Variants in FYCO1 observed in about 807,000 individuals in gnomAD.
FYCO1 encodes FYVE and coiled-coil domain-containing protein 1.
Under a neutral mutation model 165.1 loss-of-function variants are expected in FYCO1, and 122 were observed. That is an observed-to-expected ratio of 0.74 (90% CI 0.64 to 0.86). The LOEUF (loss-of-function observed/expected upper bound fraction) is 0.86, where lower values mean the gene tolerates loss of function less well. Among genes scored for constraint, FYCO1 ranks in the 40% least tolerant of loss-of-function variants. FYCO1 has a pLI of 0.00. For missense variants in FYCO1, 1,702 were observed against 1,810.3 expected, an observed-to-expected ratio of 0.94 and a Z score of 1.09; for synonymous variants, 648 against 742.5, an observed-to-expected ratio of 0.87 and a Z score of 2.07.
Position 45,964,985 on chromosome 3 carries a change from C to T in FYCO1, c.3150+48G>A, listed in dbSNP as rs375773060. 92 of 1,513,748 alleles carry T rather than the reference C, an allele frequency of 6.1e-5. 1 individual carries two copies. Among genetic ancestry groups the T allele is most frequent in the Non-Finnish European group, 1.1e-5 (12 of 1,090,584 alleles). The allele number at this position is 1,513,748 out of a possible 1,614,324, so 93.8% of individuals were successfully genotyped here. A position where few individuals can be genotyped will look rare whatever the true frequency, so the allele number is the denominator to read the frequency against. On this transcript the variant is annotated intron_variant, in intron 9 of 17. Transcript: ENST00000296137. The surrounding 1 kb of genome is among the most constrained non-coding windows in gnomAD (Gnocchi z 4.1). ...GCCCTCTTAAATGGTCCAGTCAAAA[C>T]CACACCAGATGCCCTCTCCCTGACA...
rs1318472562 is a variant in FYCO1, at chr3:45,921,114, G to A, written c.*651C>T. 1 of 161,748 alleles carries A rather than the reference G, an allele frequency of 6.2e-6. No individual in the cohort carries two copies. The highest frequency in any genetic ancestry group is 5.6e-5 in the Admixed American group (1 of 17,838). The allele number at this position is 161,748 out of a possible 1,614,324, so 10.0% of individuals were successfully genotyped here. On this transcript the variant is annotated 3_prime_UTR_variant, in exon 18 of 18. Transcript: ENST00000296137. ...TGAGGACAGAATCACCCAGACAAAA[G>A]GGCCAGAAAGAGAGTGCAGCTTAGA...
At chr3:45,922,925 C>G (rs576148434) in intron 17 of FYCO1, among the ~76,000 whole-genome samples, 2 of 152,340 alleles carry the variant, frequency 1.3e-5, no homozygotes, top group Non-Finnish European at 2.9e-5. Context: ...GTTAAGGGGT[C>G]TGTGCTGAAG....
rs1341715457 is a variant in FYCO1, at chr3:45,993,962, TTCTTGAG to T, written c.-113+1753_-113+1759del. Among the ~76,000 whole-genome samples, 3 of 152,230 alleles carry T rather than the reference TTCTTGAG, an allele frequency of 2.0e-5. No homozygotes were observed. The highest frequency in any genetic ancestry group is 4.4e-5 in the Non-Finnish European group (3 of 68,040). On this transcript the variant is annotated intron_variant, in intron 1 of 17. Coordinates refer to ENST00000296137, the MANE Select transcript of FYCO1 (RefSeq NM_024513.4). This position sits in a 1 kb window ranked among gnomAD's most constrained non-coding sequence, Gnocchi z 4.4. ...CCATTTCTTGCGTACCTACTTTGTA[TTCTTGAG>T]TCAGCAGTCCATAGCCTTGGTGACC...
intron 15 of FYCO1, among the ~76,000 whole-genome samples, chr3:45,932,668 A>G (rs1024765119): frequency 6.6e-6 from 1 of 152,236 alleles, no homozygotes; most frequent in African/African-American, 2.4e-5. Flanking sequence ...AGCTGTGGAG[A>G]TGAATGGACA....
rs763593339 is a variant in FYCO1, at chr3:45,923,793, C to T, written c.4252-28G>A. The T allele has an allele frequency of 2.5e-5, 37 of 1,479,018 alleles. No individual in the cohort carries two copies. The Middle Eastern group carries it at 5.1e-4, about 21-fold the overall frequency. 91.6% of individuals were successfully genotyped at this position (1,479,018 alleles called of 1,614,324 possible). A position where few individuals can be genotyped will look rare whatever the true frequency, so the allele number is the denominator to read the frequency against. On this transcript the variant is annotated intron_variant, in intron 16 of 17. Coordinates refer to ENST00000296137, the MANE Select transcript of FYCO1 (RefSeq NM_024513.4). ...GGGAGGGAAAGCAGGTAGGCAAAAA[C>T]ATCACAGAGGCTGAGAGGGCCCTCG...
intron 4 of FYCO1, among the ~76,000 whole-genome samples, chr3:45,979,102 T>C (rs9849818): frequency 0.85 from 128,556 of 151,610 alleles, 55,097 homozygotes; most frequent in East Asian, 1. Context: ...CCTCGTGATC[T>C]GCCCGCCTCG....
rs1052814901 is a variant in FYCO1 at position 45,921,645 on chromosome 3, C to G, written c.*120G>C. On this transcript the variant is annotated 3_prime_UTR_variant, in exon 18 of 18. Coordinates refer to ENST00000296137, the MANE Select transcript of FYCO1 (RefSeq NM_024513.4). ...CTCCCCAGACACCGCCTCTGAGGGG[C>G]AGCCCAGGGGCTGAGTTGATGATTT... 1.3e-5 allele frequency: 10 copies of G among 749,104 alleles called. No homozygotes were observed. In the African/African-American group the frequency reaches 1.7e-4, roughly 13 times the overall value. 46.4% of individuals were successfully genotyped at this position (749,104 alleles called of 1,614,324 possible).
intron 15 of FYCO1, 39 bp from the exon 16 acceptor site, chr3:45,931,320 C>A (rs1703614790): frequency 1.9e-6 from 3 of 1,598,204 alleles, no homozygotes; most frequent in East Asian, 4.5e-5. Context: ...ATTGACTGGG[C>A]AAAGTGTTTG....
Position 45,967,353 on chromosome 3 carries a change from C to A in FYCO1, c.1981G>T (p.Ala661Ser). 1 of 1,608,928 alleles carries A rather than the reference C, an allele frequency of 6.2e-7. No homozygotes were observed. Among genetic ancestry groups the A allele is most frequent in the Non-Finnish European group, 8.5e-7 (1 of 1,176,458 alleles). ...QRESAIQGSL[A>S]SLEAEQASIR... The stretch of plus-strand genomic sequence containing the variant: ...CTGGCCTGCTCGGCCTCCAGGGAGG[C>A]CAAGGAGCCCTGGATGGCTGATTCC... Residue 661 changes from alanine (A) to serine (S), a missense_variant, in exon 8 of 18, where the codon GCC becomes TCC. Ala to Ser is a moderately conservative substitution (Grantham distance 99). Transcript: ENST00000296137.
chr3:45,994,218 C>CAAAAAAAAAAAAAAAAAAAA (rs11328676), intron 1 of FYCO1, among the ~76,000 whole-genome samples: 1 of 136,912 alleles, frequency 7.3e-6, no homozygotes. Flanking sequence ...AAAGTAACTG[C>CAAAAAAAAAAAAAAAAAAAA]AAAAAAAAAA....
At chr3:45,925,333 T>C (rs1444078117) in intron 16 of FYCO1, among the ~76,000 whole-genome samples, 2 of 152,108 alleles carry the variant, frequency 1.3e-5, no homozygotes, top group Non-Finnish European at 1.5e-5. Context: ...TAAATGGTTA[T>C]ATGGACCAGA....
At chr3:45,939,299 T>C (rs534173288) in intron 14 of FYCO1, among the ~76,000 whole-genome samples, 2 of 152,290 alleles carry the variant, frequency 1.3e-5, no homozygotes, top group Non-Finnish European at 2.9e-5. Context: ...TTTTCTTCTG[T>C]CCCAAATGCT....
In FYCO1 at chr3:45,920,211, G is replaced by A. The variant is rs1324630862; in HGVS notation, c.*1554C>T. ...GGTTGTGGCTGCTGGTGTGTGGTGG[G>A]TTTGGGGTCTCTGTTGGACTTGGCC... On this transcript the variant is annotated 3_prime_UTR_variant, in exon 18 of 18. Coordinates refer to ENST00000296137, the MANE Select transcript of FYCO1 (RefSeq NM_024513.4). 6.6e-6 allele frequency: 1 copy of A among 152,366 alleles called. No homozygotes were observed. The highest frequency in any genetic ancestry group is 1.5e-5 in the Non-Finnish European group (1 of 68,174). 9.4% of individuals were successfully genotyped at this position (152,366 alleles called of 1,614,324 possible).
chr3:45,965,136 C>T lies in FYCO1; in HGVS notation c.3058-11G>A, dbSNP rs770909966. On this transcript the variant is annotated splice_polypyrimidine_tract_variant and intron_variant, in intron 8 of 17. Transcript: ENST00000296137. Reference sequence around the variant, plus strand: ...CTCTTCACCAGCATTCTAGAGAGGACAAGAAAGAAAGAGGACATAAAAGTA... The same window carrying T: ...CTCTTCACCAGCATTCTAGAGAGGATAAGAAAGAAAGAGGACATAAAAGTA... 1.9e-6 allele frequency: 3 copies of T among 1,610,400 alleles called. No homozygotes were observed. The South Asian group carries it at 3.3e-5, about 18-fold the overall frequency.
rs566060858 is a variant in FYCO1, at chr3:45,979,585, T to A, written c.288+120A>T. ...GCATTGCGTATACCTGGACTAGATT[T>A]CTTTACCACCCATAAACTCCCACTT... is the stretch of plus-strand genomic sequence containing the variant. On this transcript the variant is annotated intron_variant, in intron 4 of 17. Coordinates refer to ENST00000296137, the MANE Select transcript of FYCO1 (RefSeq NM_024513.4). 40 of 1,252,204 alleles carry A rather than the reference T, an allele frequency of 3.2e-5. 1 individual carries two copies. In the Admixed American group the frequency reaches 4.6e-4, roughly 14 times the overall value. 77.6% of individuals were successfully genotyped at this position (1,252,204 alleles called of 1,614,324 possible). A position where few individuals can be genotyped will look rare whatever the true frequency, so the allele number is the denominator to read the frequency against.
intron 16 of FYCO1, among the ~76,000 whole-genome samples, chr3:45,928,058 T>C (rs1048771228): frequency 6.6e-6 from 1 of 152,216 alleles, no homozygotes; most frequent in Non-Finnish European, 1.5e-5. Context: ...AATCAGCATA[T>C]CCACAAAATA....
At chr3:45,988,995 G>T (rs1465605944) in intron 1 of FYCO1, among the ~76,000 whole-genome samples, 1 of 152,152 alleles carries the variant, frequency 6.6e-6, no homozygotes, top group East Asian at 1.9e-4. Context: ...TTATGCTATG[G>T]TCCAAGTGAC....
rs767335803 is a variant in FYCO1 at position 45,955,311 on chromosome 3, G to A, written c.3882C>T (p.Ser1294=). 21 of 1,614,118 alleles carry A rather than the reference G, an allele frequency of 1.3e-5. No homozygotes were observed. Among genetic ancestry groups the A allele is most frequent in the Middle Eastern group, 1.7e-4 (1 of 6,030 alleles). Reference sequence around the variant, plus strand: ...TGGGTGTTTCAGGCAAAGAGGAGCCGGACTCCTGTATCTGGCACAATTCCT... The same window carrying A: ...TGGGTGTTTCAGGCAAAGAGGAGCCAGACTCCTGTATCTGGCACAATTCCT... The part of the protein sequence containing the change: ...TDEELCQIQE[S]GSSLPETPTE... Residue 1294 remains serine (S), a synonymous_variant, in exon 14 of 18, where the codon TCC becomes TCT. Coordinates refer to ENST00000296137, the MANE Select transcript of FYCO1 (RefSeq NM_024513.4).
chr3:45,918,791 T>C lies in FYCO1; in HGVS notation c.*2974A>G, dbSNP rs1342386533. ...TTTCATTTCTATTCTCCAAACCCTGTGGAGTTTTTCAGTTCCCGTGTCTTT... is the reference window on the plus strand; with the variant it reads ...TTTCATTTCTATTCTCCAAACCCTGCGGAGTTTTTCAGTTCCCGTGTCTTT... On this transcript the variant is annotated 3_prime_UTR_variant, in exon 18 of 18. Coordinates refer to ENST00000296137, the MANE Select transcript of FYCO1 (RefSeq NM_024513.4). The C allele has an allele frequency of 6.6e-6, 1 of 152,204 alleles. No individual in the cohort carries two copies. The highest frequency in any genetic ancestry group is 1.5e-5 in the Non-Finnish European group (1 of 68,038). The allele number at this position is 152,204 out of a possible 1,614,324, so 9.4% of individuals were successfully genotyped here.
Sources: allele counts gnomAD v4.1 joint callset (sites outside exome capture counted in the v4.1 genomes callset), GRCh38; gene constraint gnomAD v4.1.1; non-coding constraint Gnocchi (gnomAD v3.1); transcripts MANE v1.5; gene names NCBI Gene and HGNC (gene_info 2026-07-23, HGNC 2026-07-21).